RFX7: variants seen among roughly 807,000 people sequenced by gnomAD.
The protein encoded by RFX7 is regulatory factor X7.
In RFX7, 26 loss-of-function variants were observed where a neutral mutation model predicts 111.8. The observed-to-expected ratio is 0.23, with a 90% CI of 0.17 to 0.32. RFX7 has a LOEUF of 0.32. Ranked by LOEUF, RFX7 falls within the 10% of genes least tolerant of loss-of-function variation. RFX7 has a pLI of 1.00. For synonymous variants in RFX7, 624 were observed against 624.4 expected (o/e 1.00, Z 0.01); for missense variants, 1,573 against 1,772.9 (o/e 0.89, Z 2.02).
At chr15:56,140,217 C>G (rs909963597) in intron 5 of RFX7, among the ~76,000 whole-genome samples, 7 of 152,170 alleles carry the variant, frequency 4.6e-5, no homozygotes, top group Non-Finnish European at 1.0e-4. Context: ...CCCCCAGCCT[C>G]GCTGTCGCCT....
At chr15:56,208,138 T>C (rs1221001869) in intron 2 of RFX7, among the ~76,000 whole-genome samples, 1 of 152,200 alleles carries the variant, frequency 6.6e-6, no homozygotes, top group Non-Finnish European at 1.5e-5. Flanking sequence ...ATAACTTTCA[T>C]GCCTTAGACA....
At chr15:56,179,813 C>CACACACACACACACA (rs2042948588) in intron 2 of RFX7, among the ~76,000 whole-genome samples, 1 of 138,308 alleles carries the variant, frequency 7.2e-6, no homozygotes. Context: ...CACACACACA[C>CACACACACACACACA]CAGTAACAGG....
At chr15:56,134,824 C>T (rs2042274634) in intron 5 of RFX7, among the ~76,000 whole-genome samples, 1 of 152,076 alleles carries the variant, frequency 6.6e-6, no homozygotes, top group African/African-American at 2.4e-5. Context: ...TCCATGTGAT[C>T]TCATTGTTCA....
intron 5 of RFX7, among the ~76,000 whole-genome samples, chr15:56,126,815 A>C (rs1453867642): frequency 6.6e-6 from 1 of 152,224 alleles, no homozygotes; most frequent in Non-Finnish European, 1.5e-5. Flanking sequence ...TGGTCAATCC[A>C]CCAAGAAGCT....
At chr15:56,104,997 T>C (rs1355180431) in intron 5 of RFX7, among the ~76,000 whole-genome samples, 1 of 152,158 alleles carries the variant, frequency 6.6e-6, no homozygotes, top group Admixed American at 6.5e-5. Flanking sequence ...AGGTAACTAT[T>C]TTGGGTGCTG....
intron 5 of RFX7, among the ~76,000 whole-genome samples, chr15:56,121,711 CT>C (rs1231712991): frequency 1.3e-5 from 2 of 151,858 alleles, no homozygotes; most frequent in African/African-American, 4.8e-5. Flanking sequence ...GTGCTTCATT[CT>C]TTTTTTTATT....
chr15:56,230,233 C>T (rs1470389929), intron 2 of RFX7, among the ~76,000 whole-genome samples: 1 of 152,228 alleles, frequency 6.6e-6, no homozygotes, highest in East Asian at 1.9e-4. Flanking sequence ...CTGTTGTATA[C>T]TCAGTCACGA....
Position 56,101,353 on chromosome 15 carries a change from T to C in RFX7, c.811+6A>G, listed in dbSNP as rs2041749582. On this transcript the variant is annotated splice_donor_region_variant and intron_variant, in intron 8 of 9. Coordinates refer to ENST00000559447, the MANE Select transcript of RFX7 (RefSeq NM_022841.7). ...AGTTTTTAGCTTGTTCACAGTAATGTTGTACCTGCTGGTGCTGCTGCCATT... is the reference window on the plus strand; with the variant it reads ...AGTTTTTAGCTTGTTCACAGTAATGCTGTACCTGCTGGTGCTGCTGCCATT... 6 of 1,572,734 alleles carry C rather than the reference T, an allele frequency of 3.8e-6. No homozygotes were observed. The highest frequency in any genetic ancestry group is 2.3e-5 in the South Asian group (2 of 85,978).
intron 5 of RFX7, among the ~76,000 whole-genome samples, chr15:56,134,605 T>C (rs1308025284): frequency 4.4e-5 from 4 of 90,196 alleles, no homozygotes; most frequent in African/African-American, 1.5e-4. Context: ...TCTTTTTTTT[T>C]TTTTTTTACT....
chr15:56,203,406 G>T (rs188759724), intron 2 of RFX7, among the ~76,000 whole-genome samples: 3 of 152,244 alleles, frequency 2.0e-5, no homozygotes, highest in Non-Finnish European at 4.4e-5. Context: ...TTTAAAATTG[G>T]ATTTTAATTT....
In RFX7 at chr15:56,125,610, A is replaced by AGTGTGT. The variant is rs10564650; in HGVS notation, c.401+17162_401+17167dup. Among the ~76,000 whole-genome samples the AGTGTGT allele has an allele frequency of 7.4e-3, 1,089 of 147,036 alleles. 7 individuals carry two copies. The highest frequency in any genetic ancestry group is 0.015 in the East Asian group (76 of 5,006). On this transcript the variant is annotated intron_variant, in intron 5 of 9. Coordinates refer to ENST00000559447, the MANE Select transcript of RFX7 (RefSeq NM_022841.7). ...TCTGAGGGTTTCTTCTGTGTGTGTG[A>AGTGTGT]GTGTGTGTGTGTGTGTGTGTGTGTG...
chr15:56,225,049 G>A (rs1278754724), intron 2 of RFX7, among the ~76,000 whole-genome samples: 3 of 152,018 alleles, frequency 2.0e-5, no homozygotes, highest in African/African-American at 7.2e-5. Flanking sequence ...AATAAAAAAA[G>A]AACAAGAACA....
intron 2 of RFX7, among the ~76,000 whole-genome samples, chr15:56,216,143 T>C (rs2043361181): frequency 1.3e-5 from 2 of 152,192 alleles, no homozygotes; most frequent in Admixed American, 1.3e-4. Context: ...GGCTCCAAAA[T>C]ATCAAGAGAT....
chr15:56,138,157 T>C (rs1351453949), intron 5 of RFX7, among the ~76,000 whole-genome samples: 4 of 131,116 alleles, frequency 3.1e-5, no homozygotes, highest in Non-Finnish European at 6.4e-5. Flanking sequence ...TGAGTTCAAT[T>C]CCTGGGTATC....
At position 56,088,629 on chromosome 15, in the gene RFX7, A is replaced by G. The variant is rs1381897226; in HGVS notation, c.*4716T>C. The G allele has an allele frequency of 2.0e-5, 3 of 152,200 alleles. No homozygotes were observed. Among genetic ancestry groups the G allele is most frequent in the African/African-American group, 7.2e-5 (3 of 41,458 alleles). The allele number at this position is 152,200 out of a possible 1,614,324, so 9.4% of individuals were successfully genotyped here. On this transcript the variant is annotated 3_prime_UTR_variant, in exon 10 of 10. Coordinates refer to ENST00000559447, the MANE Select transcript of RFX7 (RefSeq NM_022841.7). Reference sequence around the variant, plus strand: ...AATATTAATAAGTGATCCCATCCATAAATTTATAACTTTAATTATTTAAAA... The same window carrying G: ...AATATTAATAAGTGATCCCATCCATGAATTTATAACTTTAATTATTTAAAA...
chr15:56,204,382 C>T (rs553415847), intron 2 of RFX7, among the ~76,000 whole-genome samples: 3 of 152,082 alleles, frequency 2.0e-5, no homozygotes, highest in African/African-American at 7.2e-5. Context: ...GAAGAGCTAT[C>T]CCATACATCA....
rs767945469 is a variant in RFX7, at chr15:56,095,749, A to G, written c.1979T>C (p.Leu660Pro). 1.2e-6 allele frequency: 2 copies of G among 1,613,938 alleles called. No individual in the cohort carries two copies. The highest frequency in any genetic ancestry group is 8.5e-7 in the Non-Finnish European group (1 of 1,179,836). Residue 660 changes from leucine (L) to proline (P), a missense_variant, in exon 10 of 10, where the codon CTG (leucine) becomes CCG (proline). Leu to Pro is a moderately conservative substitution (Grantham distance 98). Transcript: ENST00000559447. Reference protein sequence around the residue: ...KLCTKSPRKRLSSTLQETQVP... With the variant: ...KLCTKSPRKRPSSTLQETQVP... ...CTGGGTCTCCTGCAATGTAGAAGAC[A>G]GTCGTTTTCTTGGGCTTTTAGTGCA...
intron 3 of RFX7, among the ~76,000 whole-genome samples, chr15:56,154,483 T>C (rs552341434): frequency 1.6e-3 from 236 of 152,240 alleles, no homozygotes; most frequent in Non-Finnish European, 2.8e-3. Flanking sequence ...TCCGCATATC[T>C]ACAACTATCT....
chr15:56,102,297 G>T, intron 6 of RFX7, 44 bp from the exon 7 acceptor site: 2 of 1,196,212 alleles, frequency 1.7e-6, no homozygotes, highest in Non-Finnish European at 2.4e-6. Context: ...TAAATGAATT[G>T]CTTATACAGA....
Sources: gnomAD v4.1 joint callset for allele counts (sites outside exome capture counted in the v4.1 genomes callset) on GRCh38, gnomAD v4.1.1 for gene constraint, MANE v1.5 for transcripts, NCBI Gene and HGNC (gene_info 2026-07-23, HGNC 2026-07-21) for gene names.